Variants in BSG observed in about 807,000 individuals in gnomAD.
BSG encodes basigin.
A neutral mutation model predicts 43.1 loss-of-function variants in BSG; 37 were observed. That is an observed-to-expected ratio of 0.86 (90% CI 0.66 to 1.13). BSG has a LOEUF of 1.13. Among genes scored for constraint, BSG ranks in the 50% most tolerant of loss-of-function variants. The pLI is 0.00. For missense variants in BSG, 599 were observed against 554.2 expected (o/e 1.08, Z -0.81); for synonymous variants, 309 against 238.7 (o/e 1.29, Z -2.72).
intron 1 of BSG, among the ~76,000 whole-genome samples, chr19:574,082 C>T (rs979886092): frequency 5.3e-5 from 8 of 151,006 alleles, no homozygotes; most frequent in Non-Finnish European, 1.2e-4. Flanking sequence ...TGGTGAAACC[C>T]CATCTCTACT....
At chr19:581,969 G>A (rs527846123) in intron 6 of BSG, among the ~76,000 whole-genome samples, 71 of 152,362 alleles carry the variant, frequency 4.7e-4, no homozygotes, top group South Asian at 3.3e-3. Context: ...GCCTCCTCGC[G>A]GAGCCCTTCT....
Position 582,978 on chromosome 19 carries a change from G to T in BSG, c.*234G>T. 4.4e-6 allele frequency: 1 copy of T among 225,328 alleles called. No individual in the cohort carries two copies. Among genetic ancestry groups the T allele is most frequent in the Non-Finnish European group, 9.0e-6 (1 of 111,028 alleles). 14.0% of individuals were successfully genotyped at this position (225,328 alleles called of 1,614,324 possible). ...AGAGCCCGGGAGCTGCTGCCCTGCGGCCCCGTCTGTGGCTTTCAGCCTCTG... is the reference window on the plus strand; with the variant it reads ...AGAGCCCGGGAGCTGCTGCCCTGCGTCCCCGTCTGTGGCTTTCAGCCTCTG... On this transcript the variant is annotated 3_prime_UTR_variant, in exon 9 of 9. Transcript: ENST00000333511.
chr19:579,900 C>T (rs933204102), intron 3 of BSG: 6 of 569,468 alleles, frequency 1.1e-5, no homozygotes, highest in East Asian at 3.2e-5. Flanking sequence ...CACTAGGTCC[C>T]GGGCACGAAA....
Position 579,622 on chromosome 19 carries a change from G to A in BSG, c.538G>A (p.Glu180Lys), listed in dbSNP as rs1246386796. Residue 180 changes from glutamate (E) to lysine (K), a missense_variant, in exon 3 of 9, where the codon GAG becomes AAG. Coordinates refer to ENST00000333511, the MANE Select transcript of BSG (RefSeq NM_001728.4). ...GCTGAAGGGGGGCGTGGTGCTGAAG[G>A]AGGACGCGCTGCCCGGCCAGAAAAC... ...RWLKGGVVLK[E>K]DALPGQKTEF... 2.5e-6 allele frequency: 4 copies of A among 1,612,126 alleles called. No homozygotes were observed. Among genetic ancestry groups the A allele is most frequent in the Non-Finnish European group, 3.4e-6 (4 of 1,179,648 alleles).
intron 2 of BSG, chr19:579,104 G>GCCCT (rs1382292327): frequency 2.2e-6 from 1 of 463,788 alleles, no homozygotes; most frequent in Admixed American, 2.3e-5. Flanking sequence ...AGAGCTCGAT[G>GCCCT]CCCTGGTCCC....
At chr19:576,049 A>T (rs776082931) in intron 1 of BSG, among the ~76,000 whole-genome samples, 23 of 152,226 alleles carry the variant, frequency 1.5e-4, no homozygotes, top group Non-Finnish European at 2.8e-4. Flanking sequence ...TTTGGGAGCG[A>T]TGCTGCCCGC....
rs1402867799 is a variant in BSG at position 582,930 on chromosome 19, T to C, written c.*186T>C. 3.2e-6 allele frequency: 1 copy of C among 311,230 alleles called. No homozygotes were observed. Among genetic ancestry groups the C allele is most frequent in the African/African-American group, 2.2e-5 (1 of 45,828 alleles). The allele number at this position is 311,230 out of a possible 1,614,324, so 19.3% of individuals were successfully genotyped here. A position where few individuals can be genotyped will look rare whatever the true frequency, so the allele number is the denominator to read the frequency against. ...ATTCAGGATTCTGTTCCTTAGGTTT[T>C]TTTCCTTCTGAAGTGTTTCACGAGA... On this transcript the variant is annotated 3_prime_UTR_variant, in exon 9 of 9. Coordinates refer to ENST00000333511, the MANE Select transcript of BSG (RefSeq NM_001728.4).
At chr19:571,618 A>G (rs778623744), upstream of BSG, 22 of 779,390 alleles carry the variant, frequency 2.8e-5, no homozygotes, top group Non-Finnish European at 5.0e-5. Flanking sequence ...TGGGATCCAA[A>G]TGGGATATTT....
At position 580,423 on chromosome 19, in the gene BSG, T is replaced by A. The variant is rs1386990806; in HGVS notation, c.617T>A (p.Leu206His). The A allele has an allele frequency of 1.2e-6, 2 of 1,611,086 alleles. No individual in the cohort carries two copies. Among genetic ancestry groups the A allele is most frequent in the South Asian group, 2.2e-5 (2 of 91,074 alleles). The change falls in exon 4 of 9, where the codon CTC becomes CAC. Residue 206 changes from leucine (L) to histidine (H), a missense_variant. Coordinates refer to ENST00000333511, the MANE Select transcript of BSG (RefSeq NM_001728.4). ...DQWGEYSCVF[L>H]PEPMGTANIQ... Reference sequence around the variant, plus strand: ...TGGGGAGAGTACTCCTGCGTCTTCCTCCCCGAGCCCATGGGCACGGCCAAC... The same window carrying A: ...TGGGGAGAGTACTCCTGCGTCTTCCACCCCGAGCCCATGGGCACGGCCAAC...
chr19:573,407 T>G (rs1485464056), intron 1 of BSG, among the ~76,000 whole-genome samples: 1 of 152,148 alleles, frequency 6.6e-6, no homozygotes, highest in African/African-American at 2.4e-5. Flanking sequence ...AAAAGGGGCT[T>G]TTGTCCTCCA....
chr19:572,443 G>C, upstream of BSG: 2 of 1,145,924 alleles, frequency 1.7e-6, no homozygotes, highest in Non-Finnish European at 2.1e-6. Context: ...TGAGCCTGCC[G>C]GAGCCGGCGC....
At chr19:571,441 G>T, upstream of BSG, 1 of 744,420 alleles carries the variant, frequency 1.3e-6, no homozygotes, top group South Asian at 1.4e-5. Context: ...TTTTCTCACC[G>T]TGGTCGCCGC....
At chr19:577,261 G>A (rs558986305) in intron 1 of BSG, among the ~76,000 whole-genome samples, 13 of 152,198 alleles carry the variant, frequency 8.5e-5, no homozygotes, top group African/African-American at 2.4e-4. Flanking sequence ...TCTCTGGGTC[G>A]CCGCCCTCAG....
At chr19:582,657 G>C in intron 8 of BSG, 75 bp downstream of exon 8, 1 of 1,419,020 alleles carries the variant, frequency 7.0e-7, no homozygotes. Context: ...CAGGTGTGGT[G>C]GGCGGGATCT....
chr19:574,636 C>G (rs528018464), intron 1 of BSG, among the ~76,000 whole-genome samples: 8 of 152,292 alleles, frequency 5.3e-5, no homozygotes, highest in African/African-American at 1.9e-4. Context: ...CCTGAAGGGT[C>G]AAGAGCAAGG....
At chr19:581,984 C>T (rs1049556694) in intron 6 of BSG, among the ~76,000 whole-genome samples, 4 of 152,268 alleles carry the variant, frequency 2.6e-5, no homozygotes, top group East Asian at 1.9e-4. Flanking sequence ...CCTTCTGCCC[C>T]TTGGGCTGCG....
chr19:577,992 G>A lies in BSG; in HGVS notation c.286G>A (p.Asp96Asn), dbSNP rs746563346. The change falls in exon 2 of 9, where the codon GAC becomes AAC. Residue 96 changes from aspartate to asparagine, a missense_variant. Physicochemically the swap from Asp to Asn is conservative, Grantham distance 23 (BLOSUM62 1). Transcript: ENST00000333511. ...HQHAASTISI[D>N]TLVEEDTGTY... ...GCACGCGGCCAGCACCATCTCCATCGACACGCTCGTGGAGGAGGACACGGG... is the reference window on the plus strand; with the variant it reads ...GCACGCGGCCAGCACCATCTCCATCAACACGCTCGTGGAGGAGGACACGGG... 3.3e-5 allele frequency: 53 copies of A among 1,611,984 alleles called. No individual in the cohort carries two copies. The highest frequency in any genetic ancestry group is 5.3e-5 in the African/African-American group (4 of 74,914).
intron 2 of BSG, chr19:579,268 G>A (rs1199359025): frequency 2.0e-6 from 1 of 496,684 alleles, no homozygotes; most frequent in Non-Finnish European, 3.4e-6. Context: ...CCTTCCCGAA[G>A]GGGGTGCCTT....
chr19:571,347 T>C (rs988335579), upstream of BSG: 1 of 602,744 alleles, frequency 1.7e-6, no homozygotes, highest in Non-Finnish European at 3.0e-6. Flanking sequence ...TGCGGTCCTC[T>C]TGCATTGCGA....
Sources: gnomAD v4.1 joint callset for allele counts (sites outside exome capture counted in the v4.1 genomes callset) on GRCh38, gnomAD v4.1.1 for gene constraint, MANE v1.5 for transcripts, NCBI Gene and HGNC (gene_info 2026-07-23, HGNC 2026-07-21) for gene names.